The following VPS53 variants were observed in gnomAD, a reference collection of about 807,000 sequenced individuals.
VPS53 encodes VPS53 subunit of GARP complex, also known as vacuolar protein sorting-associated protein 53 homolog.
Under a neutral mutation model 107.0 loss-of-function variants are expected in VPS53, and 70 were observed. That is an observed-to-expected ratio of 0.65 (90% CI 0.54 to 0.80). VPS53 has a LOEUF of 0.80. VPS53 is among the 30% of genes least tolerant of loss of function. VPS53 has a pLI of 0.00. For synonymous variants in VPS53, 409 were observed against 393.3 expected (o/e 1.04, Z -0.47); for missense variants, 917 against 1,049.4 (o/e 0.87, Z 1.74).
intron 4 of VPS53, chr17:675,590 C>G (rs1281712024): frequency 6.6e-6 from 1 of 151,898 alleles, no homozygotes; most frequent in Non-Finnish European, 1.5e-5. Context: ...CCTGGCCAAC[C>G]TGGTGAAAAC....
At chr17:585,392 C>A (rs1185829825) in intron 13 of VPS53, among the ~76,000 whole-genome samples, 1 of 152,210 alleles carries the variant, frequency 6.6e-6, no homozygotes, top group Non-Finnish European at 1.5e-5. Context: ...CAAGGTGGCT[C>A]ATGCCTGTAA....
intron 7 of VPS53, among the ~76,000 whole-genome samples, chr17:635,402 TA>T (rs929839797): frequency 1.3e-5 from 2 of 152,242 alleles, no homozygotes; most frequent in African/African-American, 4.8e-5. Context: ...TTAGTTTAAT[TA>T]GATCCCATTT....
intron 17 of VPS53, among the ~76,000 whole-genome samples, chr17:550,339 G>T (rs2151835771): frequency 6.6e-6 from 1 of 152,278 alleles, no homozygotes; most frequent in Middle Eastern, 3.4e-3. Context: ...TTTGCTACAA[G>T]AGCCTATGAC....
intron 17 of VPS53, chr17:537,522 C>G (rs556146807): frequency 5.5e-6 from 1 of 182,166 alleles, no homozygotes; most frequent in Non-Finnish European, 1.2e-5. Context: ...TGCAGCAGAA[C>G]GGGGAGGGAC....
At chr17:670,979 C>T (rs1019679335) in intron 4 of VPS53, among the ~76,000 whole-genome samples, 2 of 152,134 alleles carry the variant, frequency 1.3e-5, no homozygotes, top group Non-Finnish European at 2.9e-5. Flanking sequence ...GCCTGTAATC[C>T]CAGCACTTTC....
chr17:714,803 G>C lies in VPS53; in HGVS notation c.-94C>G, dbSNP rs1033646991. 2 of 1,396,636 alleles carry C rather than the reference G, an allele frequency of 1.4e-6. No individual in the cohort carries two copies. The highest frequency in any genetic ancestry group is 2.0e-6 in the Non-Finnish European group (2 of 989,926). The allele number at this position is 1,396,636 out of a possible 1,614,324, so 86.5% of individuals were successfully genotyped here. A position where few individuals can be genotyped will look rare whatever the true frequency, so the allele number is the denominator to read the frequency against. On this transcript the variant is annotated 5_prime_UTR_variant, in exon 1 of 22. Transcript: ENST00000437048. ...CCAGCACAGCAACTCCCTCGCGGCA[G>C]CGACCTGGTGAGCCCGGCTCCGTCA... is the stretch of plus-strand genomic sequence containing the variant.
chr17:605,922 G>A lies in VPS53; in HGVS notation c.1117-4026C>T, dbSNP rs574396419. Among the ~76,000 whole-genome samples the A allele has an allele frequency of 3.9e-5, 6 of 152,234 alleles. No individual in the cohort carries two copies. The South Asian group carries it at 8.3e-4, about 21-fold the overall frequency. ...GCAGTCGCTGGTAGTTTTCAACAGC[G>A]AAGTGATGTGATCTAATTTGGATTT... On this transcript the variant is annotated intron_variant, in intron 11 of 21. Transcript: ENST00000437048.
At chr17:597,695 A>C (rs1377059030) in intron 12 of VPS53, among the ~76,000 whole-genome samples, 2 of 151,982 alleles carry the variant, frequency 1.3e-5, no homozygotes, top group Non-Finnish European at 2.9e-5. Context: ...GGCATGCACC[A>C]CCACGCCCGG....
At chr17:693,548 C>G (rs772160902) in intron 4 of VPS53, among the ~76,000 whole-genome samples, 12 of 152,046 alleles carry the variant, frequency 7.9e-5, no homozygotes, top group African/African-American at 2.4e-4. Flanking sequence ...ACAGCAAGAA[C>G]CCATCTCTAC....
intron 19 of VPS53, among the ~76,000 whole-genome samples, chr17:527,090 G>A (rs1490280218): frequency 1.3e-5 from 2 of 152,176 alleles, no homozygotes; most frequent in African/African-American, 2.4e-5. Context: ...CAAACACCAC[G>A]TATGCCATTT....
intron 2 of VPS53, among the ~76,000 whole-genome samples, chr17:701,740 C>A (rs1046638234): frequency 6.6e-6 from 1 of 151,068 alleles, no homozygotes; most frequent in Non-Finnish European, 1.5e-5. Flanking sequence ...AAATAGCCTA[C>A]CTTTAAGATG....
At position 509,638 on chromosome 17, in the gene VPS53, C is replaced by A. The variant is rs1907816546; in HGVS notation, c.*9490G>T. 5.8e-6 allele frequency: 1 copy of A among 173,262 alleles called. No individual in the cohort carries two copies. The highest frequency in any genetic ancestry group is 1.2e-5 in the Non-Finnish European group (1 of 81,142). The allele number at this position is 173,262 out of a possible 1,614,324, so 10.7% of individuals were successfully genotyped here. ...ACGTATGGAATCCTGGCTCGCCCCT[C>A]ACTGGTCACGTATCGCATCCTGGCT... On this transcript the variant is annotated 3_prime_UTR_variant, in exon 22 of 22. Transcript: ENST00000437048.
chr17:680,745 G>T (rs145541613), intron 4 of VPS53, among the ~76,000 whole-genome samples: 1 of 152,198 alleles, frequency 6.6e-6, no homozygotes, highest in Non-Finnish European at 1.5e-5. Flanking sequence ...GCTTAAAATA[G>T]TGCCAACCAC....
chr17:631,532 G>A lies in VPS53; in HGVS notation c.687+18C>T, dbSNP rs377024463. The A allele has an allele frequency of 2.4e-5, 38 of 1,613,286 alleles. No individual in the cohort carries two copies. In the African/African-American group the frequency reaches 5.1e-4, roughly 22 times the overall value. ...GATGGTGATCATCTCTAAAGACTGG[G>A]GAAACGCAAAGCAGTACCTTGGTGC... On this transcript the variant is annotated intron_variant, in intron 8 of 21. Coordinates refer to ENST00000437048, the MANE Select transcript of VPS53 (RefSeq NM_001128159.3).
At chr17:672,341 T>C (rs1250374315) in intron 4 of VPS53, among the ~76,000 whole-genome samples, 1 of 152,182 alleles carries the variant, frequency 6.6e-6, no homozygotes, top group Non-Finnish European at 1.5e-5. Flanking sequence ...ATCCCCCTTT[T>C]GCCTAAGCCC....
At chr17:563,463 C>T (rs1913215187) in intron 13 of VPS53, among the ~76,000 whole-genome samples, 1 of 151,834 alleles carries the variant, frequency 6.6e-6, no homozygotes, top group African/African-American at 2.4e-5. Context: ...GCCCAGCTAA[C>T]TTTTATTTTC....
chr17:692,968 T>C (rs1972827894), intron 4 of VPS53, among the ~76,000 whole-genome samples: 1 of 152,188 alleles, frequency 6.6e-6, no homozygotes, highest in South Asian at 2.1e-4. Flanking sequence ...ATCCCGTCTC[T>C]ACTAAAAATA....
At chr17:658,237 C>T (rs74424375) in intron 5 of VPS53, among the ~76,000 whole-genome samples, 50 of 88,330 alleles carry the variant, frequency 5.7e-4, no homozygotes, top group African/African-American at 1.7e-3. Flanking sequence ...GACACTCGGC[C>T]GTGAGTTCGT....
rs1200164081 is a variant in VPS53 at position 629,811 on chromosome 17, AC to A, written c.688-1581del. On this transcript the variant is annotated intron_variant, in intron 8 of 21. Transcript: ENST00000437048. Reference sequence around the variant, plus strand: ...CTAAAAACAAAACAAAAAAAAAACCACACACACACACACACACACACACACA... The same window carrying A: ...CTAAAAACAAAACAAAAAAAAAACCAACACACACACACACACACACACACA... Among the ~76,000 whole-genome samples the A allele has an allele frequency of 1.9e-3, 7 of 3,766 alleles. No individual in the cohort carries two copies. In the Admixed American group the frequency reaches 0.024, roughly 13 times the overall value. The allele number at this position is 3,766 out of a possible 152,430, so 2.5% of individuals were successfully genotyped here.
Sources: allele counts gnomAD v4.1 joint callset (sites outside exome capture counted in the v4.1 genomes callset), GRCh38; gene constraint gnomAD v4.1.1; transcripts MANE v1.5; gene names NCBI Gene and HGNC (gene_info 2026-07-23, HGNC 2026-07-21).